Variants in ZNF407 observed in about 807,000 individuals in gnomAD.
ZNF407 encodes the protein zinc finger protein 407.
ZNF407 carries 17 observed loss-of-function variants against 131.2 expected under a neutral mutation model. The ratio of observed to expected loss-of-function variants is 0.13; its 90% CI spans 0.09 to 0.19. ZNF407 has a LOEUF of 0.19. ZNF407 is among the 10% of genes least tolerant of loss of function. The pLI is 1.00. For missense variants in ZNF407, 2,681 were observed against 2,830.6 expected (o/e 0.95, Z 1.20); for synonymous variants, 1,156 against 1,062.0 (o/e 1.09, Z -1.72).
chr18:74,733,139 TAAGC>T (rs1208488790), intron 3 of ZNF407, among the ~76,000 whole-genome samples: 2 of 152,044 alleles, frequency 1.3e-5, no homozygotes, highest in Non-Finnish European at 2.9e-5. Flanking sequence ...CAAGATATAA[TAAGC>T]AAGATAATTT....
chr18:74,804,703 A>G, intron 4 of ZNF407: 1 of 712,738 alleles, frequency 1.4e-6, no homozygotes. Flanking sequence ...TTGTACCACA[A>G]CCTACCATGA....
chr18:74,803,516 T>C (rs954175297), intron 4 of ZNF407, among the ~76,000 whole-genome samples: 1 of 152,218 alleles, frequency 6.6e-6, no homozygotes, highest in African/African-American at 2.4e-5. Context: ...TTGTTGAGAA[T>C]GCATAGTGTT....
rs1973315227 is a variant in ZNF407 at position 75,036,909 on chromosome 18, TG to T, written c.5429-26239del. On this transcript the variant is annotated intron_variant, in intron 8 of 8. Coordinates refer to ENST00000299687, the MANE Select transcript of ZNF407 (RefSeq NM_017757.3). Reference sequence around the variant, plus strand: ...TCCACTCTTTTGGGGTTGCTGCCTTTGGCCATCTAATTGCTTCTTAGGAAGG... The same window carrying T: ...TCCACTCTTTTGGGGTTGCTGCCTTTGCCATCTAATTGCTTCTTAGGAAGG... Among the ~76,000 whole-genome samples the T allele has an allele frequency of 2.0e-5, 3 of 152,384 alleles. No individual in the cohort carries two copies. In the East Asian group the frequency reaches 5.8e-4, roughly 29 times the overall value.
intron 8 of ZNF407, among the ~76,000 whole-genome samples, chr18:75,037,801 A>G (rs766627626): frequency 1.3e-5 from 2 of 152,166 alleles, no homozygotes; most frequent in Admixed American, 6.5e-5. Flanking sequence ...GGCCCCTTGC[A>G]TGACAGTTTG....
chr18:74,798,826 C>T (rs1265537024), intron 4 of ZNF407, among the ~76,000 whole-genome samples: 2 of 151,972 alleles, frequency 1.3e-5, no homozygotes, highest in African/African-American at 4.8e-5. Flanking sequence ...TTTATTTTTG[C>T]AAAAGAAATT....
At chr18:74,673,293 C>A (rs143370109) in intron 3 of ZNF407, among the ~76,000 whole-genome samples, 1 of 152,208 alleles carries the variant, frequency 6.6e-6, no homozygotes, top group African/African-American at 2.4e-5. Flanking sequence ...ATTTTAACAC[C>A]AGTAGGAATC....
intron 3 of ZNF407, among the ~76,000 whole-genome samples, chr18:74,651,368 C>G (rs1012917537): frequency 2.6e-5 from 4 of 152,120 alleles, no homozygotes. Context: ...CTTGCTTTGT[C>G]AAGTACGAGT....
At chr18:74,963,553 TCA>T (rs1468470695) in intron 8 of ZNF407, among the ~76,000 whole-genome samples, 4 of 152,238 alleles carry the variant, frequency 2.6e-5, no homozygotes, top group Admixed American at 2.0e-4. Context: ...TAAAGAACTC[TCA>T]GTTTTCTGCA....
At chr18:74,914,303 C>A (rs555204319) in intron 7 of ZNF407, among the ~76,000 whole-genome samples, 2 of 152,266 alleles carry the variant, frequency 1.3e-5, no homozygotes, top group Admixed American at 1.3e-4. Context: ...AGCAGTAGAG[C>A]GGAGTTGAGA....
At chr18:74,879,939 C>T (rs1287959222) in intron 5 of ZNF407, among the ~76,000 whole-genome samples, 2 of 152,156 alleles carry the variant, frequency 1.3e-5, no homozygotes, top group Non-Finnish European at 2.9e-5. Context: ...TTCCAAAACA[C>T]CACAAGTTAA....
At chr18:74,691,920 T>C (rs2144800639) in intron 3 of ZNF407, among the ~76,000 whole-genome samples, 1 of 152,044 alleles carries the variant, frequency 6.6e-6, no homozygotes, top group East Asian at 1.9e-4. Flanking sequence ...ATGGCAAAAT[T>C]CTGTCTCTAT....
At position 74,665,454 on chromosome 18, in the gene ZNF407, C is replaced by T. The variant is rs370807845; in HGVS notation, c.4802+24332C>T. On this transcript the variant is annotated intron_variant, in intron 3 of 8. Coordinates refer to ENST00000299687, the MANE Select transcript of ZNF407 (RefSeq NM_017757.3). ...GATCACCTTCCTCCCTTAAAAGAGC[C>T]CATGTGAGAGTCCCATACAATACTT... 1.1e-4 allele frequency among the ~76,000 whole-genome samples: 17 copies of T among 152,254 alleles called. No individual in the cohort carries two copies. In the East Asian group the frequency reaches 3.1e-3, roughly 28 times the overall value.
intron 8 of ZNF407, among the ~76,000 whole-genome samples, chr18:75,033,578 G>T (rs947912122): frequency 6.6e-6 from 1 of 152,184 alleles, no homozygotes; most frequent in Non-Finnish European, 1.5e-5. Flanking sequence ...AGAGGTGGCA[G>T]ATAAAAAGAG....
intron 3 of ZNF407, among the ~76,000 whole-genome samples, chr18:74,680,757 C>T (rs1966964911): frequency 6.6e-6 from 1 of 151,922 alleles, no homozygotes; most frequent in Non-Finnish European, 1.5e-5. Context: ...ATCTCCCTGG[C>T]CTTTCTTTTT....
intron 8 of ZNF407, among the ~76,000 whole-genome samples, chr18:75,027,387 C>T (rs551081500): frequency 1.3e-5 from 2 of 152,060 alleles, no homozygotes; most frequent in African/African-American, 2.4e-5. Context: ...TTTGGGAGGA[C>T]GGAAGGTAGA....
intron 3 of ZNF407, among the ~76,000 whole-genome samples, chr18:74,652,164 A>G (rs1398852570): frequency 2.0e-5 from 3 of 152,120 alleles, no homozygotes; most frequent in Admixed American, 6.5e-5. Flanking sequence ...ATTCAGAGCT[A>G]TAATGTAGGA....
In ZNF407 at chr18:74,641,956, C is replaced by T. The variant is rs138034659; in HGVS notation, c.4802+834C>T. On this transcript the variant is annotated intron_variant, in intron 3 of 8. Transcript: ENST00000299687. The stretch of plus-strand genomic sequence containing the variant: ...TGTGAAACCTGAGAAACTTGCAGTT[C>T]TTATGGCTAATTCACAAAATACCAC... 4.0e-5 allele frequency among the ~76,000 whole-genome samples: 6 copies of T among 151,614 alleles called. No homozygotes were observed. In the East Asian group the frequency reaches 9.7e-4, roughly 25 times the overall value.
intron 4 of ZNF407, among the ~76,000 whole-genome samples, chr18:74,822,861 A>G (rs764784661): frequency 2.2e-4 from 33 of 152,216 alleles, no homozygotes; most frequent in Non-Finnish European, 4.0e-4. Context: ...TTTGGGCAAT[A>G]AGACCATTTT....
chr18:74,677,654 C>A (rs1489703359), intron 3 of ZNF407, among the ~76,000 whole-genome samples: 2 of 152,094 alleles, frequency 1.3e-5, no homozygotes, highest in African/African-American at 2.4e-5. Context: ...AATACTTACC[C>A]TCTGTTTCTT....
Sources: allele counts gnomAD v4.1 joint callset (sites outside exome capture counted in the v4.1 genomes callset), GRCh38; gene constraint gnomAD v4.1.1; transcripts MANE v1.5; gene names NCBI Gene and HGNC (gene_info 2026-07-23, HGNC 2026-07-21).